Variants in PCDHGA10 observed in about 807,000 individuals in gnomAD.
PCDHGA10 encodes protocadherin gamma subfamily A, 10.
In PCDHGA10, 42 loss-of-function variants were observed where a neutral mutation model predicts 59.5. The observed-to-expected ratio is 0.71, with a 90% confidence interval of 0.55 to 0.91. The LOEUF is 0.91. Ranked by LOEUF, PCDHGA10 falls within the 40% of genes least tolerant of loss-of-function variation. The pLI is 0.00. For synonymous variants in PCDHGA10, 511 were observed against 517.2 expected (o/e 0.99, Z 0.16); for missense variants, 1,111 against 1,198.2 (o/e 0.93, Z 1.07).
intron 1 of PCDHGA10, among the ~76,000 whole-genome samples, chr5:141,464,162 G>A (rs1030872607): frequency 6.6e-6 from 1 of 151,946 alleles, no homozygotes; most frequent in African/African-American, 2.4e-5. Context: ...CTACTTGGAA[G>A]GCTGAGGCAG....
In PCDHGA10 at chr5:141,511,406, G is replaced by C; in HGVS notation, c.*233G>C. The C allele has an allele frequency of 1.1e-6, 1 of 942,018 alleles. No individual in the cohort carries two copies. The highest frequency in any genetic ancestry group is 1.7e-5 in the African/African-American group (1 of 60,280). The allele number at this position is 942,018 out of a possible 1,614,324, so 58.4% of individuals were successfully genotyped here. ...GCTGGGAACCCCCATCCAATCAACT[G>C]CTGTACCCATGGGGGTAGTGGGGTT... On this transcript the variant is annotated 3_prime_UTR_variant, in exon 4 of 4. Coordinates refer to ENST00000398610, the MANE Select transcript of PCDHGA10 (RefSeq NM_018913.3).
chr5:141,481,762 G>A (rs1378950651), intron 1 of PCDHGA10, among the ~76,000 whole-genome samples: 3 of 152,126 alleles, frequency 2.0e-5, no homozygotes, highest in African/African-American at 2.4e-5. Flanking sequence ...GACCAGCCTG[G>A]CCAACATGGT....
At chr5:141,469,833 TTA>T (rs1343669772) in intron 1 of PCDHGA10, among the ~76,000 whole-genome samples, 2 of 152,054 alleles carry the variant, frequency 1.3e-5, no homozygotes, top group Non-Finnish European at 2.9e-5. Flanking sequence ...CACATAAAAC[TTA>T]TTCTTAAGAT....
intron 1 of PCDHGA10, among the ~76,000 whole-genome samples, chr5:141,468,979 C>T (rs1394344696): frequency 6.7e-6 from 1 of 149,482 alleles, no homozygotes; most frequent in African/African-American, 2.5e-5. Flanking sequence ...CTTTTGACTT[C>T]CAAAATTATT....
rs1252361961 is a variant in PCDHGA10 at position 141,486,106 on chromosome 5, G to A, written c.2437-8701G>A. The A allele has an allele frequency of 2.5e-6, 4 of 1,614,190 alleles. No individual in the cohort carries two copies. The highest frequency in any genetic ancestry group is 1.1e-5 in the South Asian group (1 of 91,086). Reference sequence around the variant, plus strand: ...CTCTTTTGGGGCCCCTAGACTTTGAGAGTGAGAATTACTATGAATTTGATG... The same window carrying A: ...CTCTTTTGGGGCCCCTAGACTTTGAAAGTGAGAATTACTATGAATTTGATG... On this transcript the variant is annotated intron_variant, in intron 1 of 3. Transcript: ENST00000398610. The surrounding 1 kb of genome is among the most constrained non-coding windows in gnomAD (Gnocchi z 5.0).
rs111458813 is a variant in PCDHGA10 at position 141,483,648 on chromosome 5, TTG to T, written c.2437-11139_2437-11138del. Among the ~76,000 whole-genome samples, 82 of 149,502 alleles carry T rather than the reference TTG, an allele frequency of 5.5e-4. 1 individual carries two copies. The highest frequency in any genetic ancestry group is 2.5e-3 in the Admixed American group (37 of 14,990). Reference sequence around the variant, plus strand: ...GGAGAAGGTATAGAGGGGTGTGTGTTTGTGTGTGTGTGTGTGTGTGTAAAAGA... The same window carrying T: ...GGAGAAGGTATAGAGGGGTGTGTGTTTGTGTGTGTGTGTGTGTGTAAAAGA... On this transcript the variant is annotated intron_variant, in intron 1 of 3. Transcript: ENST00000398610.
Position 141,413,990 on chromosome 5 carries a change from A to G in PCDHGA10, c.815A>G (p.Asp272Gly), listed in dbSNP as rs1179968710. 6 of 1,613,434 alleles carry G rather than the reference A, an allele frequency of 3.7e-6. No homozygotes were observed. Among genetic ancestry groups the G allele is most frequent in the Admixed American group, 1.7e-5 (1 of 59,986 alleles). ...CAGCTGCTGACAGTCACAGCCACCG[A>G]CAGGGACGAAGGTGCCAATGGAGAA... ...GTQLLTVTAT[D>G]RDEGANGEVT... Residue 272 changes from aspartate to glycine, a missense_variant, in exon 1 of 4, where the codon GAC becomes GGC. Physicochemically the swap from Asp to Gly is moderately conservative, Grantham distance 94 (BLOSUM62 -1). Transcript: ENST00000398610.
intron 1 of PCDHGA10, chr5:141,421,975 G>T: frequency 6.2e-7 from 1 of 1,610,052 alleles, no homozygotes; most frequent in African/African-American, 1.3e-5. Context: ...CGTATATCGC[G>T]TGAGTGTTCC....
rs1246204844 is a variant in PCDHGA10, at chr5:141,419,493, A to T, written c.2436+3882A>T. On this transcript the variant is annotated intron_variant, in intron 1 of 3. Coordinates refer to ENST00000398610, the MANE Select transcript of PCDHGA10 (RefSeq NM_018913.3). ...CAGGGCTCGCCCGCGCTCAGCGCCA[A>T]TGTGAGCCTGCGCGTGTTGGTGGGC... 3 of 1,612,264 alleles carry T rather than the reference A, an allele frequency of 1.9e-6. No individual in the cohort carries two copies. The African/African-American group carries it at 4.0e-5, about 22-fold the overall frequency.
At chr5:141,475,815 C>T (rs2099373124) in intron 1 of PCDHGA10, 1 of 340,648 alleles carries the variant, frequency 2.9e-6, no homozygotes, top group Non-Finnish European at 5.3e-6. Flanking sequence ...AAGTGAAGTT[C>T]CTGGCGCTAG....
intron 1 of PCDHGA10, chr5:141,423,723 T>C: frequency 8.5e-7 from 1 of 1,174,478 alleles, no homozygotes; most frequent in Non-Finnish European, 1.1e-6. Context: ...TAAGGAGATG[T>C]TTTTTGAGCC....
intron 1 of PCDHGA10, among the ~76,000 whole-genome samples, chr5:141,467,116 A>T (rs981562543): frequency 2.0e-5 from 3 of 150,560 alleles, no homozygotes; most frequent in Non-Finnish European, 4.4e-5. Flanking sequence ...ACAATGGTGC[A>T]ATCTCAGCTC....
intron 1 of PCDHGA10, chr5:141,433,087 A>G (rs769187557): frequency 6.2e-7 from 1 of 1,614,206 alleles, no homozygotes. Context: ...CCAACTATGC[A>G]GACATGCTCG....
intron 1 of PCDHGA10, among the ~76,000 whole-genome samples, chr5:141,468,798 G>A (rs895012127): frequency 7.9e-5 from 12 of 151,646 alleles, no homozygotes; most frequent in East Asian, 2.0e-4. Context: ...CCCGGGAGGC[G>A]GAACTTGCAG....
At position 141,431,763 on chromosome 5, in the gene PCDHGA10, T is replaced by C; in HGVS notation, c.2436+16152T>C. On this transcript the variant is annotated intron_variant, in intron 1 of 3. Transcript: ENST00000398610. The surrounding 1 kb of genome is among the most constrained non-coding windows in gnomAD (Gnocchi z 4.8). ...TATTCTGCGCGAGCCAAAGTCCTGA[T>C]CACTGTTCTGGACGTGAACGACAAT... 1 of 1,614,230 alleles carries C rather than the reference T, an allele frequency of 6.2e-7. No individual in the cohort carries two copies. Among genetic ancestry groups the C allele is most frequent in the Non-Finnish European group, 8.5e-7 (1 of 1,180,030 alleles).
chr5:141,444,008 A>G (rs2098413646), intron 1 of PCDHGA10, among the ~76,000 whole-genome samples: 2 of 152,140 alleles, frequency 1.3e-5, no homozygotes, highest in Non-Finnish European at 2.9e-5. Context: ...CTACCTGGGT[A>G]TTGGCTTCTA....
chr5:141,509,273 C>T (rs1026035086), intron 3 of PCDHGA10, among the ~76,000 whole-genome samples: 1 of 152,098 alleles, frequency 6.6e-6, no homozygotes, highest in Admixed American at 6.5e-5. Flanking sequence ...CTCTCGCTAC[C>T]CGCTCCCAGG....
chr5:141,491,666 G>A lies in PCDHGA10; in HGVS notation c.2437-3141G>A, dbSNP rs373526771. 9.4e-5 allele frequency: 152 copies of A among 1,613,614 alleles called. No homozygotes were observed. The highest frequency in any genetic ancestry group is 1.2e-4 in the Non-Finnish European group (142 of 1,180,016). The stretch of plus-strand genomic sequence containing the variant: ...CTGGCGCTGGAGCCTGACGCCATCC[G>A]GTCCCGCTCTAATACGCTGCGGGAG... On this transcript the variant is annotated intron_variant, in intron 1 of 3. Coordinates refer to ENST00000398610, the MANE Select transcript of PCDHGA10 (RefSeq NM_018913.3). This position sits in a 1 kb window ranked among gnomAD's most constrained non-coding sequence, Gnocchi z 6.9.
At chr5:141,422,777 C>T in intron 1 of PCDHGA10, 1 of 1,613,982 alleles carries the variant, frequency 6.2e-7, no homozygotes, top group Non-Finnish European at 8.5e-7. Context: ...GTTCTCTATG[C>T]CCTACAATCC....
Sources: gnomAD v4.1 joint callset for allele counts (sites outside exome capture counted in the v4.1 genomes callset) on GRCh38, gnomAD v4.1.1 for gene constraint, Gnocchi (gnomAD v3.1) non-coding constraint, MANE v1.5 for transcripts, NCBI Gene and HGNC (gene_info 2026-07-23, HGNC 2026-07-21) for gene names.